The following ANKS1A variants were observed in gnomAD, a reference collection of about 807,000 sequenced individuals.
The protein encoded by ANKS1A is ankyrin repeat and SAM domain-containing protein 1A.
Under a neutral mutation model 120.3 loss-of-function variants are expected in ANKS1A, and 55 were observed. The observed-to-expected ratio is 0.46, with a 90% CI of 0.37 to 0.57. The LOEUF (loss-of-function observed/expected upper bound fraction) is 0.57. ANKS1A is among the 20% of genes least tolerant of loss of function. ANKS1A has a pLI of 0.00. For synonymous variants in ANKS1A, 590 were observed against 604.7 expected (o/e 0.98, Z 0.36); for missense variants, 1,123 against 1,480.3 (o/e 0.76, Z 3.96).
rs78625284 is a variant in ANKS1A, at chr6:35,080,016, C to T, written c.2544+88C>T. The T allele has an allele frequency of 2.7e-4, 382 of 1,428,670 alleles. 2 individuals are homozygous for T. The African/African-American group carries it at 4.9e-3, about 18-fold the overall frequency. The allele number at this position is 1,428,670 out of a possible 1,614,324, so 88.5% of individuals were successfully genotyped here. A position where few individuals can be genotyped will look rare whatever the true frequency, so the allele number is the denominator to read the frequency against. ...GAATTCTTTAGGATTCTTCAGAGACCACTGTAGTGTAGGAGAAAGCAGCTC... is the reference window on the plus strand; with the variant it reads ...GAATTCTTTAGGATTCTTCAGAGACTACTGTAGTGTAGGAGAAAGCAGCTC... On this transcript the variant is annotated intron_variant, in intron 16 of 23. Coordinates refer to ENST00000360359, the MANE Select transcript of ANKS1A (RefSeq NM_015245.3).
chr6:35,059,722 A>G (rs1776392776), intron 12 of ANKS1A, among the ~76,000 whole-genome samples: 1 of 152,124 alleles, frequency 6.6e-6, no homozygotes, highest in Non-Finnish European at 1.5e-5. Context: ...GCTTGTGGGC[A>G]CTTAGGAGCT....
intron 11 of ANKS1A, among the ~76,000 whole-genome samples, chr6:35,046,361 G>T (rs879552232): frequency 4.6e-5 from 7 of 152,106 alleles, no homozygotes; most frequent in Non-Finnish European, 1.0e-4. Context: ...TGTTTCCTTC[G>T]CCTCTCGGGC....
At chr6:34,992,985 G>A (rs760514275) in intron 9 of ANKS1A, among the ~76,000 whole-genome samples, 12 of 152,160 alleles carry the variant, frequency 7.9e-5, no homozygotes, top group Non-Finnish European at 1.6e-4. Context: ...TGTCAGTATG[G>A]AAGGAAATCT....
rs1433289147 is a variant in ANKS1A, at chr6:35,082,597, G to A, written c.2710-94G>A. On this transcript the variant is annotated intron_variant, in intron 17 of 23. Coordinates refer to ENST00000360359, the MANE Select transcript of ANKS1A (RefSeq NM_015245.3). This position sits in a 1 kb window ranked among gnomAD's most constrained non-coding sequence, Gnocchi z 4.1. Reference sequence around the variant, plus strand: ...GACCCTTGAACTTGCTAAGGTCACTGGCATCTTCACCCTTGAGTGTGCTGG... The same window carrying A: ...GACCCTTGAACTTGCTAAGGTCACTAGCATCTTCACCCTTGAGTGTGCTGG... 109 of 1,469,640 alleles carry A rather than the reference G, an allele frequency of 7.4e-5. No homozygotes were observed. Among genetic ancestry groups the A allele is most frequent in the Non-Finnish European group, 9.7e-5 (107 of 1,105,960 alleles). The allele number at this position is 1,469,640 out of a possible 1,614,324, so 91.0% of individuals were successfully genotyped here. A position where few individuals can be genotyped will look rare whatever the true frequency, so the allele number is the denominator to read the frequency against.
chr6:35,069,719 T>TA (rs1776981176), intron 13 of ANKS1A, among the ~76,000 whole-genome samples: 1,253 of 52,978 alleles, frequency 0.024, 10 homozygotes, highest in African/African-American at 0.047. Context: ...ATATATATAT[T>TA]TTTTTTTTTA....
At position 35,079,373 on chromosome 6, in the gene ANKS1A, G is replaced by A. The variant is rs530037606; in HGVS notation, c.2284-143G>A. On this transcript the variant is annotated intron_variant, in intron 14 of 23. Transcript: ENST00000360359. The stretch of plus-strand genomic sequence containing the variant: ...CAAGTGATAGGAAAGGCTGTGCGAA[G>A]TGGGGGGCTGGAAGGTGCTGAGGAC... 2.0e-5 allele frequency: 19 copies of A among 947,728 alleles called. 2 individuals are homozygous for A. The South Asian group carries it at 3.3e-4, about 16-fold the overall frequency. 58.7% of individuals were successfully genotyped at this position (947,728 alleles called of 1,614,324 possible).
intron 2 of ANKS1A, among the ~76,000 whole-genome samples, chr6:34,967,522 CAA>C (rs10559753): frequency 0.027 from 2,613 of 96,714 alleles, 65 homozygotes; most frequent in Middle Eastern, 0.057. Context: ...TCCATCTCCA[CAA>C]AAAAAAAAAA....
rs144689346 is a variant in ANKS1A at position 35,085,792 on chromosome 6, G to T, written c.3159G>T (p.Thr1053=). 1.9e-6 allele frequency: 3 copies of T among 1,604,344 alleles called. No individual in the cohort carries two copies. Among genetic ancestry groups the T allele is most frequent in the Non-Finnish European group, 2.6e-6 (3 of 1,176,104 alleles). The part of the protein sequence containing the change: ...DVNLTYEIIL[T]LGQAFEVAYQ... ...ACCTGACCTACGAGATCATCCTGAC[G>T]CTGGGGCAGGCCTTCGAAGTGGCCT... The change falls in exon 22 of 24, where the codon ACG becomes ACT. Residue 1053 remains threonine, a synonymous_variant. Coordinates refer to ENST00000360359, the MANE Select transcript of ANKS1A (RefSeq NM_015245.3). This position sits in a 1 kb window ranked among gnomAD's most constrained non-coding sequence, Gnocchi z 4.7.
intron 1 of ANKS1A, among the ~76,000 whole-genome samples, chr6:34,966,461 G>C (rs1281480334): frequency 6.6e-6 from 1 of 152,154 alleles, no homozygotes; most frequent in East Asian, 1.9e-4. Flanking sequence ...ATTCTCATTA[G>C]AAGCAGGAAC....
chr6:34,932,014 G>A (rs1389196000), intron 1 of ANKS1A, among the ~76,000 whole-genome samples: 1 of 152,232 alleles, frequency 6.6e-6, no homozygotes. Context: ...TAGGTGCTGA[G>A]GCCAGTGGCC....
intron 2 of ANKS1A, among the ~76,000 whole-genome samples, chr6:34,967,565 T>G (rs925194088): frequency 8.6e-5 from 13 of 151,224 alleles, no homozygotes; most frequent in African/African-American, 3.2e-4. Flanking sequence ...TCAGGCGTGG[T>G]AGCATGCCTG....
At position 35,082,657 on chromosome 6, in the gene ANKS1A, A is replaced by AAGGAGC. The variant is rs779918410; in HGVS notation, c.2710-30_2710-25dup. The AAGGAGC allele has an allele frequency of 6.3e-6, 10 of 1,585,210 alleles. No homozygotes were observed. In the East Asian group the frequency reaches 1.8e-4, roughly 29 times the overall value. On this transcript the variant is annotated intron_variant, in intron 17 of 23. Coordinates refer to ENST00000360359, the MANE Select transcript of ANKS1A (RefSeq NM_015245.3). This position sits in a 1 kb window ranked among gnomAD's most constrained non-coding sequence, Gnocchi z 4.1. Reference sequence around the variant, plus strand: ...GCAAGCCCATGTGCTCCTCTGGAGCAAGGAGCAGGTGTCCAATTGCGTGTG... The same window carrying AAGGAGC: ...GCAAGCCCATGTGCTCCTCTGGAGCAAGGAGCAGGAGCAGGTGTCCAATTGCGTGTG...
chr6:34,937,515 A>G lies in ANKS1A; in HGVS notation c.198-29724A>G, dbSNP rs562404253. On this transcript the variant is annotated intron_variant, in intron 1 of 23. Transcript: ENST00000360359. ...AGGTAAGGCCCTTACTGTGGAAGGA[A>G]GATCAGACATGCTATTGTGGAGGCT... Among the ~76,000 whole-genome samples, 7 of 152,216 alleles carry G rather than the reference A, an allele frequency of 4.6e-5. No homozygotes were observed. In the South Asian group the frequency reaches 1.5e-3, roughly 32 times the overall value.
At chr6:34,968,958 C>T (rs1376385328) in intron 2 of ANKS1A, among the ~76,000 whole-genome samples, 2 of 152,108 alleles carry the variant, frequency 1.3e-5, no homozygotes, top group Non-Finnish European at 2.9e-5. Context: ...TTTCTGTAGC[C>T]ATCTTAGATA....
At chr6:34,901,669 C>T (rs1159410173) in intron 1 of ANKS1A, among the ~76,000 whole-genome samples, 3 of 152,118 alleles carry the variant, frequency 2.0e-5, no homozygotes, top group Non-Finnish European at 4.4e-5. Flanking sequence ...TGACACCATG[C>T]CCGGTTAATT....
chr6:34,970,035 A>T lies in ANKS1A; in HGVS notation c.304A>T (p.Asn102Tyr). The change falls in exon 3 of 24, where the codon AAC (asparagine) becomes TAC (tyrosine). Residue 102 changes from asparagine to tyrosine, a missense_variant. By Grantham distance (143) the Asn-to-Tyr change is moderately radical. Coordinates refer to ENST00000360359, the MANE Select transcript of ANKS1A (RefSeq NM_015245.3). ...HKDVVEVLLR[N>Y]DALTNVADSK... ...GGATGTGGTCGAGGTTCTTCTGAGG[A>T]ACGATGCGCTGACCAACGTGGCTGA... 2 of 1,613,850 alleles carry T rather than the reference A, an allele frequency of 1.2e-6. No homozygotes were observed. Among genetic ancestry groups the T allele is most frequent in the East Asian group, 4.5e-5 (2 of 44,878 alleles).
intron 1 of ANKS1A, among the ~76,000 whole-genome samples, chr6:34,931,569 A>G (rs1227852191): frequency 2.0e-5 from 3 of 152,182 alleles, no homozygotes; most frequent in Non-Finnish European, 4.4e-5. Context: ...TACTCTCTAC[A>G]AATGGCATTA....
intron 1 of ANKS1A, among the ~76,000 whole-genome samples, chr6:34,952,952 C>T (rs1308726488): frequency 6.6e-6 from 1 of 152,156 alleles, no homozygotes; most frequent in Non-Finnish European, 1.5e-5. Context: ...TCAGGTGATC[C>T]ACCCATCCCG....
intron 11 of ANKS1A, among the ~76,000 whole-genome samples, chr6:35,034,267 C>G (rs1040687042): frequency 2.6e-5 from 4 of 152,172 alleles, no homozygotes; most frequent in Non-Finnish European, 5.9e-5. Flanking sequence ...ATTTTGACAT[C>G]ACCGTAAGTG....
Sources: allele counts gnomAD v4.1 joint callset (sites outside exome capture counted in the v4.1 genomes callset), GRCh38; gene constraint gnomAD v4.1.1; non-coding constraint Gnocchi (gnomAD v3.1); transcripts MANE v1.5; gene names NCBI Gene and HGNC (gene_info 2026-07-23, HGNC 2026-07-21).